The following XKR9 variants were observed in gnomAD, a reference collection of about 807,000 sequenced individuals.
XKR9 encodes XK related 9.
Under a neutral mutation model 32.0 loss-of-function variants are expected in XKR9, and 32 were observed. The observed-to-expected ratio is 1.00, with a 90% CI of 0.76 to 1.34. The LOEUF is 1.34. Ranked by LOEUF, XKR9 falls within the 40% of genes most tolerant of loss-of-function variation. The probability of loss-of-function intolerance (pLI) is 0.00; values close to 1 mark genes in which losing one functional copy is unlikely to be tolerated. For missense variants in XKR9, 546 were observed against 429.7 expected, an observed-to-expected ratio of 1.27 and a Z score of -2.39; for synonymous variants, 168 against 143.4, an observed-to-expected ratio of 1.17 and a Z score of -1.22.
chr8:70,844,910 A>T, the XKR9 span, among the ~76,000 whole-genome samples: 46 of 152,316 alleles, frequency 3.0e-4, no homozygotes, highest in African/African-American at 1.1e-3. Flanking sequence ...GGGACCAAGG[A>T]TCTGCCTACC....
chr8:70,792,362 G>C (rs1205812745), downstream of XKR9, among the ~76,000 whole-genome samples: 2 of 152,076 alleles, frequency 1.3e-5, no homozygotes, highest in African/African-American at 4.8e-5. Context: ...TCAGGCGTGA[G>C]TTGCCTCAAA....
At chr8:70,941,197 A>G in the XKR9 span, among the ~76,000 whole-genome samples, 1 of 151,774 alleles carries the variant, frequency 6.6e-6, no homozygotes, top group African/African-American at 2.4e-5. Context: ...GATATTTTAT[A>G]TAAATATATA....
At chr8:71,058,291 A>C in the XKR9 span, among the ~76,000 whole-genome samples, 4 of 152,300 alleles carry the variant, frequency 2.6e-5, no homozygotes, top group African/African-American at 9.6e-5. Context: ...AACAAGCAAG[A>C]TTAGAGTGTT....
intron 2 of XKR9, among the ~76,000 whole-genome samples, chr8:70,753,571 T>A (rs1226177513): frequency 2.0e-5 from 3 of 151,964 alleles, no homozygotes; most frequent in African/African-American, 7.2e-5. Flanking sequence ...TCCACCATGA[T>A]CAAGTGGGCT....
chr8:70,994,342 T>C, the XKR9 span, among the ~76,000 whole-genome samples: 7 of 152,138 alleles, frequency 4.6e-5, no homozygotes, highest in African/African-American at 1.7e-4. Context: ...GCTTTTTTTT[T>C]CCTCCTTCAC....
the XKR9 span, among the ~76,000 whole-genome samples, chr8:71,005,844 AG>A: frequency 6.6e-6 from 1 of 152,154 alleles, no homozygotes; most frequent in South Asian, 2.1e-4. Context: ...ACAGCTGCTG[AG>A]GTGGCATTCT....
At chr8:70,739,963 G>C (rs902167157), downstream of XKR9, among the ~76,000 whole-genome samples, 5 of 152,202 alleles carry the variant, frequency 3.3e-5, no homozygotes, top group African/African-American at 1.2e-4. Context: ...TGCTCTTCTT[G>C]AGGAGTATCT....
the XKR9 span, among the ~76,000 whole-genome samples, chr8:70,862,832 G>A: frequency 3.9e-5 from 6 of 152,082 alleles, no homozygotes; most frequent in Non-Finnish European, 8.8e-5. Context: ...GGGAAACAGC[G>A]TGGTACTGAG....
the XKR9 span, among the ~76,000 whole-genome samples, chr8:71,004,270 G>A: frequency 6.6e-6 from 1 of 152,162 alleles, no homozygotes; most frequent in Non-Finnish European, 1.5e-5. Flanking sequence ...TGACAGGCAG[G>A]TGGGCTTTGG....
chr8:71,019,391 G>A, the XKR9 span, among the ~76,000 whole-genome samples: 16 of 152,150 alleles, frequency 1.1e-4, no homozygotes, highest in African/African-American at 3.9e-4. Context: ...TTTGATATTA[G>A]GAAGACAAAA....
intron 4 of XKR9, among the ~76,000 whole-genome samples, chr8:70,712,240 G>A (rs1388285102): frequency 6.6e-6 from 1 of 151,938 alleles, no homozygotes; most frequent in African/African-American, 2.4e-5. Flanking sequence ...CCACTGAGAG[G>A]CTAAGTTATT....
At chr8:71,005,231 T>A in the XKR9 span, among the ~76,000 whole-genome samples, 173 of 149,454 alleles carry the variant, frequency 1.2e-3, 1 homozygote, top group African/African-American at 4.1e-3. Flanking sequence ...TTTTCTTTTT[T>A]TTTTTTTTGA....
chr8:70,977,972 C>G, the XKR9 span, among the ~76,000 whole-genome samples: 1 of 152,116 alleles, frequency 6.6e-6, no homozygotes, highest in African/African-American at 2.4e-5. Context: ...TTGAATTGAT[C>G]CCTTTACCAT....
the XKR9 span, among the ~76,000 whole-genome samples, chr8:71,065,773 C>G: frequency 3.9e-5 from 6 of 152,158 alleles, no homozygotes; most frequent in Non-Finnish European, 7.4e-5. Flanking sequence ...ATCTTAGTTT[C>G]CCAATTTCCA....
chr8:70,736,858 T>A (rs1161538207), downstream of XKR9, among the ~76,000 whole-genome samples: 2 of 151,608 alleles, frequency 1.3e-5, no homozygotes, highest in African/African-American at 4.8e-5. Context: ...CCATGCTGTT[T>A]TGGTTACTGT....
At chr8:70,672,575 A>G (rs1321618891) in intron 1 of XKR9, among the ~76,000 whole-genome samples, 1 of 152,176 alleles carries the variant, frequency 6.6e-6, no homozygotes, top group Non-Finnish European at 1.5e-5. Flanking sequence ...ATATACAAAT[A>G]GTAGTGGGAT....
chr8:70,966,247 T>C, the XKR9 span, among the ~76,000 whole-genome samples: 43 of 152,030 alleles, frequency 2.8e-4, no homozygotes, highest in African/African-American at 9.4e-4. Context: ...CTTTCTTTCC[T>C]TTTTTCTTTT....
the XKR9 span, among the ~76,000 whole-genome samples, chr8:70,811,000 C>T: frequency 6.6e-5 from 10 of 152,134 alleles, no homozygotes; most frequent in Admixed American, 4.6e-4. Flanking sequence ...CTTTTCAGCA[C>T]CACACCACAC....
At chr8:70,801,787 G>A in the XKR9 span, among the ~76,000 whole-genome samples, 3 of 151,976 alleles carry the variant, frequency 2.0e-5, no homozygotes, top group African/African-American at 7.3e-5. Context: ...ATTATTCTGT[G>A]GTTATCTGAG....
Sources: allele counts gnomAD v4.1 joint callset (sites outside exome capture counted in the v4.1 genomes callset), GRCh38; gene constraint gnomAD v4.1.1; transcripts MANE v1.5; gene names NCBI Gene and HGNC (gene_info 2026-07-23, HGNC 2026-07-21).